BABAM2: variants seen among roughly 807,000 people sequenced by gnomAD.
BABAM2 encodes the protein BRISC and BRCA1 A complex member 2.
In BABAM2, 31 loss-of-function variants were observed where a neutral mutation model predicts 54.7. The observed-to-expected ratio is 0.57, with a 90% confidence interval of 0.43 to 0.77. The LOEUF (loss-of-function observed/expected upper bound fraction) is 0.77, where lower values mean the gene tolerates loss of function less well. Among genes scored for constraint, BABAM2 ranks in the 30% least tolerant of loss-of-function variants. BABAM2 has a pLI of 0.00. For missense variants in BABAM2, 364 were observed against 455.8 expected, an observed-to-expected ratio of 0.80 and a Z score of 1.83; for synonymous variants, 167 against 162.9, an observed-to-expected ratio of 1.03 and a Z score of -0.19.
intron 7 of BABAM2, among the ~76,000 whole-genome samples, chr2:28,148,753 C>T (rs1024460618): frequency 9.9e-5 from 15 of 152,164 alleles, no homozygotes; most frequent in African/African-American, 3.4e-4. Context: ...ACTTCTGGAT[C>T]GTTACCTGGA....
intron 6 of BABAM2, among the ~76,000 whole-genome samples, chr2:28,072,900 A>T (rs1178450533): frequency 2.0e-5 from 3 of 152,238 alleles, no homozygotes; most frequent in African/African-American, 7.2e-5. Flanking sequence ...AATTATCACA[A>T]GGTTAATCTA....
intron 7 of BABAM2, among the ~76,000 whole-genome samples, chr2:28,150,568 T>G (rs1412489431): frequency 6.6e-6 from 1 of 152,244 alleles, no homozygotes; most frequent in African/African-American, 2.4e-5. Flanking sequence ...TGGGGCAATC[T>G]GTAAGTATTT....
chr2:27,905,430 T>G (rs1666120440), intron 2 of BABAM2, among the ~76,000 whole-genome samples: 1 of 152,108 alleles, frequency 6.6e-6, no homozygotes, highest in African/African-American at 2.4e-5. Flanking sequence ...GGTGCTTCAG[T>G]TTTCTCTTAA....
At chr2:28,207,150 T>G (rs754701258) in intron 7 of BABAM2, among the ~76,000 whole-genome samples, 7 of 152,112 alleles carry the variant, frequency 4.6e-5, no homozygotes, top group Non-Finnish European at 1.0e-4. Flanking sequence ...ATGAAATATC[T>G]TAGAAAACAA....
At chr2:28,162,161 C>T (rs1013815885) in intron 7 of BABAM2, among the ~76,000 whole-genome samples, 1 of 151,966 alleles carries the variant, frequency 6.6e-6, no homozygotes, top group Admixed American at 6.5e-5. Flanking sequence ...CTTGAAATAC[C>T]GTATTTTGTC....
intron 10 of BABAM2, among the ~76,000 whole-genome samples, chr2:28,253,897 G>A (rs1204890190): frequency 6.6e-6 from 1 of 152,150 alleles, no homozygotes; most frequent in Non-Finnish European, 1.5e-5. Flanking sequence ...ATAATCCCCT[G>A]TCCTGTGGCA....
intron 7 of BABAM2, among the ~76,000 whole-genome samples, chr2:28,175,913 C>T (rs1674888105): frequency 6.6e-6 from 1 of 152,164 alleles, no homozygotes; most frequent in Admixed American, 6.5e-5. Flanking sequence ...CTCACCACAG[C>T]CTCTACTAAC....
intron 11 of BABAM2, among the ~76,000 whole-genome samples, chr2:28,312,625 C>T (rs1212795532): frequency 6.6e-6 from 1 of 152,124 alleles, no homozygotes; most frequent in Non-Finnish European, 1.5e-5. Flanking sequence ...GGGCAGTTAC[C>T]TCTACTCCAC....
intron 6 of BABAM2, among the ~76,000 whole-genome samples, chr2:28,091,021 T>C (rs565334632): frequency 6.6e-6 from 1 of 152,364 alleles, no homozygotes; most frequent in South Asian, 2.1e-4. Context: ...TCATCTACCA[T>C]AATGATTGTT....
chr2:28,216,809 C>T (rs903283780), intron 7 of BABAM2, among the ~76,000 whole-genome samples: 6 of 152,190 alleles, frequency 3.9e-5, no homozygotes, highest in African/African-American at 1.4e-4. Flanking sequence ...CCTTCATAAT[C>T]TGGCCTTTTC....
chr2:28,161,040 T>C (rs972366962), intron 7 of BABAM2, among the ~76,000 whole-genome samples: 1 of 152,256 alleles, frequency 6.6e-6, no homozygotes, highest in Admixed American at 6.5e-5. Context: ...TGGTCCCAAG[T>C]TTCCCAATTG....
At chr2:28,190,025 C>T (rs1040920549) in intron 7 of BABAM2, among the ~76,000 whole-genome samples, 1 of 152,072 alleles carries the variant, frequency 6.6e-6, no homozygotes, top group Non-Finnish European at 1.5e-5. Flanking sequence ...CAGAGTTGCC[C>T]AGGTAGTTCA....
chr2:28,008,551 CTGCAGGCTGAGGCGGTCAATT>C (rs1425437874), intron 4 of BABAM2, among the ~76,000 whole-genome samples: 8 of 152,182 alleles, frequency 5.3e-5, no homozygotes, highest in African/African-American at 1.9e-4. Context: ...GAAAGCATGT[CTGCAGGCTGAGGCGGTCAATT>C]TGCAAATGCT....
chr2:28,166,585 T>TAA (rs1673701015), intron 7 of BABAM2, among the ~76,000 whole-genome samples: 1 of 152,048 alleles, frequency 6.6e-6, no homozygotes, highest in South Asian at 2.1e-4. Flanking sequence ...GATTTGAGGG[T>TAA]GGAAGGAGAG....
intron 7 of BABAM2, among the ~76,000 whole-genome samples, chr2:28,194,575 C>CA (rs1677298425): frequency 1.0e-5 from 1 of 99,198 alleles, no homozygotes; most frequent in East Asian, 2.9e-4. Context: ...ACAACGTAGA[C>CA]TTTTTTTTTT....
Position 28,073,116 on chromosome 2 carries a change from C to G in BABAM2, c.570+27317C>G, listed in dbSNP as rs148447230. The stretch of plus-strand genomic sequence containing the variant: ...TAGGACTTAAGCTCTCTAATCCTCC[C>G]CTTCTCATCTTTTGAGTAAGGTATC... On this transcript the variant is annotated intron_variant, in intron 6 of 11. Transcript: ENST00000379624. Among the ~76,000 whole-genome samples the G allele has an allele frequency of 9.8e-5, 15 of 152,302 alleles. No individual in the cohort carries two copies. The East Asian group carries it at 2.7e-3, about 27-fold the overall frequency.
At chr2:28,163,948 G>T (rs933809348) in intron 7 of BABAM2, among the ~76,000 whole-genome samples, 7 of 152,176 alleles carry the variant, frequency 4.6e-5, no homozygotes, top group Admixed American at 2.0e-4. Flanking sequence ...GCACCTCTTA[G>T]AAACTATCAG....
At chr2:28,203,162 C>T (rs574798278) in intron 7 of BABAM2, among the ~76,000 whole-genome samples, 92 of 152,270 alleles carry the variant, frequency 6.0e-4, no homozygotes, top group Middle Eastern at 3.4e-3. Flanking sequence ...TAGTCCTCTC[C>T]GAATATGTTC....
At chr2:27,972,935 T>C (rs1352968424) in intron 3 of BABAM2, among the ~76,000 whole-genome samples, 1 of 151,808 alleles carries the variant, frequency 6.6e-6, no homozygotes, top group Non-Finnish European at 1.5e-5. Context: ...CCTGGATGAT[T>C]TTTGTATTTT....
Sources: allele counts gnomAD v4.1 joint callset (sites outside exome capture counted in the v4.1 genomes callset), GRCh38; gene constraint gnomAD v4.1.1; transcripts MANE v1.5; gene names NCBI Gene and HGNC (gene_info 2026-07-23, HGNC 2026-07-21).